MTPAP: variants seen among roughly 807,000 people sequenced by gnomAD.
The protein encoded by MTPAP is poly(A) RNA polymerase, mitochondrial.
A neutral mutation model predicts 48.7 loss-of-function variants in MTPAP; 23 were observed. That is an observed-to-expected ratio of 0.47 (90% CI 0.34 to 0.67). MTPAP has a LOEUF of 0.67. Ranked by LOEUF, MTPAP falls within the 30% of genes least tolerant of loss-of-function variation. The pLI is 0.01. For missense variants in MTPAP, 614 were observed against 694.3 expected, an observed-to-expected ratio of 0.88 and a Z score of 1.30; for synonymous variants, 257 against 254.1, an observed-to-expected ratio of 1.01 and a Z score of -0.11.
intron 3 of MTPAP, among the ~76,000 whole-genome samples, chr10:30,337,926 G>GA (rs1290073555): frequency 2.0e-5 from 3 of 151,646 alleles, no homozygotes; most frequent in Admixed American, 6.6e-5. Flanking sequence ...TATCTGAAGT[G>GA]AAAAAAAATC....
At chr10:30,339,253 G>A (rs985265930) in intron 3 of MTPAP, among the ~76,000 whole-genome samples, 1 of 152,088 alleles carries the variant, frequency 6.6e-6, no homozygotes, top group East Asian at 1.9e-4. Flanking sequence ...TTGGGAGGCC[G>A]AAGTGGGCAC....
intron 8 of MTPAP, 79 bp from the exon 9 acceptor site, chr10:30,314,050 G>C: frequency 6.8e-7 from 1 of 1,462,758 alleles, no homozygotes; most frequent in Non-Finnish European, 9.4e-7. Flanking sequence ...TCAATAAAAT[G>C]TCAAAACACA....
intron 5 of MTPAP, among the ~76,000 whole-genome samples, chr10:30,323,451 CAAAA>C (rs755342499): frequency 1.2e-5 from 1 of 84,720 alleles, no homozygotes; most frequent in Non-Finnish European, 2.0e-5. Context: ...GACCCTGCCT[CAAAA>C]AAAAAAAAAA....
rs1263224304 is a variant in MTPAP, at chr10:30,313,667, T to C, written c.1691A>G (p.Asn564Ser). The C allele has an allele frequency of 6.2e-7, 1 of 1,614,062 alleles. No individual in the cohort carries two copies. The highest frequency in any genetic ancestry group is 8.5e-7 in the Non-Finnish European group (1 of 1,179,978). ...GGTTTTTGTGAAATTTTCTGTTCTGTTACCTTTTAAAGATTCTAGCAAGTT... is the reference window on the plus strand; with the variant it reads ...GGTTTTTGTGAAATTTTCTGTTCTGCTACCTTTTAAAGATTCTAGCAAGTT... The part of the protein sequence containing the change: ...VKNLLESLKG[N>S]RTENFTKTSG... The change falls in exon 9 of 9, where the codon AAC becomes AGC. Residue 564 changes from asparagine (N) to serine (S), a missense_variant. Physicochemically the swap from Asn to Ser is conservative, Grantham distance 46. Around this residue, in one of 5 missense-constraint regions of MTPAP, gnomAD observed 109 missense variants for 100.5 expected, o/e 1.08. Coordinates refer to ENST00000263063, the MANE Select transcript of MTPAP (RefSeq NM_018109.4).
intron 6 of MTPAP, among the ~76,000 whole-genome samples, chr10:30,319,269 G>T (rs1840695381): frequency 6.6e-6 from 1 of 152,176 alleles, no homozygotes; most frequent in African/African-American, 2.4e-5. Context: ...CTTTAGCTTA[G>T]CTTAGGTTCT....
In MTPAP at chr10:30,340,235, A is replaced by G; in HGVS notation, c.546T>C (p.Tyr182=). 6.2e-7 allele frequency: 1 copy of G among 1,612,882 alleles called. No homozygotes were observed. Among genetic ancestry groups the G allele is most frequent in the South Asian group, 1.1e-5 (1 of 91,058 alleles). The change falls in exon 3 of 9, where the codon TAT becomes TAC. Residue 182 remains tyrosine, a synonymous_variant. Coordinates refer to ENST00000263063, the MANE Select transcript of MTPAP (RefSeq NM_018109.4). The part of the protein sequence containing the change: ...SNKQLFELLC[Y]AESIDDQLNT... ...ACACCTAAAAACTTACACTTTCTGC[A>G]TAACAAAGTAATTCAAAAAGCTGCT...
At chr10:30,346,324 G>A (rs1271818539) in intron 1 of MTPAP, among the ~76,000 whole-genome samples, 5 of 152,056 alleles carry the variant, frequency 3.3e-5, no homozygotes, top group Non-Finnish European at 7.4e-5. Flanking sequence ...CACATATGGA[G>A]TACATGTTCT....
chr10:30,336,018 T>A (rs973044323), intron 4 of MTPAP, among the ~76,000 whole-genome samples: 1 of 150,930 alleles, frequency 6.6e-6, no homozygotes, highest in African/African-American at 2.4e-5. Context: ...TCAAAAAAAA[T>A]AAATAAATAA....
rs1444654460 is a variant in MTPAP at position 30,311,357 on chromosome 10, A to G, written c.*2252T>C. On this transcript the variant is annotated 3_prime_UTR_variant, in exon 9 of 9. Coordinates refer to ENST00000263063, the MANE Select transcript of MTPAP (RefSeq NM_018109.4). Reference sequence around the variant, plus strand: ...GAGTTTCTTAAAATATCCCATGCAGAACCCATTATAATTTCTGACATAAAA... The same window carrying G: ...GAGTTTCTTAAAATATCCCATGCAGGACCCATTATAATTTCTGACATAAAA... The G allele has an allele frequency of 2.0e-5, 3 of 152,244 alleles. No homozygotes were observed. Among genetic ancestry groups the G allele is most frequent in the African/African-American group, 7.2e-5 (3 of 41,470 alleles). The allele number at this position is 152,244 out of a possible 1,614,324, so 9.4% of individuals were successfully genotyped here. A position where few individuals can be genotyped will look rare whatever the true frequency, so the allele number is the denominator to read the frequency against.
intron 4 of MTPAP, among the ~76,000 whole-genome samples, chr10:30,331,180 A>C (rs946497603): frequency 1.3e-5 from 2 of 152,244 alleles, no homozygotes; most frequent in African/African-American, 4.8e-5. Context: ...TCTATTAAAT[A>C]AATAAAAACT....
intron 1 of MTPAP, 39 bp downstream of exon 1, chr10:30,349,080 G>A (rs749344714): frequency 3.7e-6 from 6 of 1,613,298 alleles, no homozygotes; most frequent in South Asian, 2.2e-5. Context: ...CTCCTCGCCC[G>A]CTGTGGGACG....
intron 5 of MTPAP, among the ~76,000 whole-genome samples, chr10:30,322,929 G>A (rs1296202352): frequency 2.0e-5 from 3 of 151,620 alleles, no homozygotes; most frequent in Non-Finnish European, 4.4e-5. Context: ...TTGAGGCCAG[G>A]AGTTCAAGGA....
At chr10:30,336,225 A>G (rs1834729272) in intron 4 of MTPAP, among the ~76,000 whole-genome samples, 1 of 152,154 alleles carries the variant, frequency 6.6e-6, no homozygotes. Context: ...AAAGAAACAG[A>G]AGACATGTGA....
chr10:30,341,626 T>A lies in MTPAP; in HGVS notation c.172A>T (p.Ile58Phe), dbSNP rs1834808093. 1.2e-6 allele frequency: 2 copies of A among 1,613,980 alleles called. No homozygotes were observed. The highest frequency in any genetic ancestry group is 2.7e-5 in the African/African-American group (2 of 74,944). ...ATCTCAGAGAATCTCCTTTTGGGAA[T>A]CTTGTCTTCAAAGCCTATGAACGAG... ...GSVETGFEDKIPKRRFSEMQN... is the reference protein window; with the variant it reads ...GSVETGFEDKFPKRRFSEMQN... Residue 58 changes from isoleucine to phenylalanine, a missense_variant, in exon 2 of 9, where the codon ATT (isoleucine) becomes TTT (phenylalanine). Coordinates refer to ENST00000263063, the MANE Select transcript of MTPAP (RefSeq NM_018109.4).
chr10:30,338,677 AAAT>A (rs1227784075), intron 3 of MTPAP, among the ~76,000 whole-genome samples: 1 of 152,170 alleles, frequency 6.6e-6, no homozygotes, highest in Non-Finnish European at 1.5e-5. Flanking sequence ...CTCTGTCTCA[AAAT>A]AATAATAATA....
intron 5 of MTPAP, among the ~76,000 whole-genome samples, chr10:30,322,865 G>T (rs1048873271): frequency 4.6e-5 from 7 of 151,896 alleles, no homozygotes; most frequent in African/African-American, 1.7e-4. Context: ...AGCCGGGCTC[G>T]GTGGCTCATG....
Position 30,348,990 on chromosome 10 carries a change from A to C in MTPAP, c.157+129T>G, listed in dbSNP as rs566666714. On this transcript the variant is annotated intron_variant, in intron 1 of 8. Coordinates refer to ENST00000263063, the MANE Select transcript of MTPAP (RefSeq NM_018109.4). ...CCCTACAGAGATCAGAGGAGAGGAG[A>C]GGACAGGACACAGCCCCACCCTCTT... 12 of 1,350,256 alleles carry C rather than the reference A, an allele frequency of 8.9e-6. No homozygotes were observed. The South Asian group carries it at 1.3e-4, about 15-fold the overall frequency. 83.6% of individuals were successfully genotyped at this position (1,350,256 alleles called of 1,614,324 possible).
chr10:30,329,764 G>GA (rs1834643619), intron 4 of MTPAP, among the ~76,000 whole-genome samples: 1 of 151,318 alleles, frequency 6.6e-6, no homozygotes, highest in Non-Finnish European at 1.5e-5. Flanking sequence ...CACTTTCACT[G>GA]AAAGAGGGAA....
intron 1 of MTPAP, among the ~76,000 whole-genome samples, chr10:30,342,543 CAAA>C (rs59507352): frequency 0.34 from 45,983 of 136,520 alleles, 7,377 homozygotes; most frequent in East Asian, 0.74. Context: ...CGGAGTTCCA[CAAA>C]AAAAAAAAAA....
Sources: gnomAD v4.1 joint callset for allele counts (sites outside exome capture counted in the v4.1 genomes callset) on GRCh38, gnomAD v4.1.1 for gene constraint, gnomAD v4.1.1 regional missense constraint, MANE v1.5 for transcripts, NCBI Gene and HGNC (gene_info 2026-07-23, HGNC 2026-07-21) for gene names.